The following PI16 variants were observed in gnomAD, a reference collection of about 807,000 sequenced individuals.
The protein encoded by PI16 is peptidase inhibitor 16, also known as PSP94-binding protein.
PI16 carries 35 observed loss-of-function variants against 38.0 expected under a neutral mutation model. That is an observed-to-expected ratio of 0.92 (90% CI 0.70 to 1.22). The LOEUF is 1.22. Ranked by LOEUF, PI16 falls within the 50% of genes most tolerant of loss-of-function variation. PI16 has a pLI of 0.00. For missense variants in PI16, 572 were observed against 593.8 expected, an observed-to-expected ratio of 0.96 and a Z score of 0.38; for synonymous variants, 275 against 252.9, an observed-to-expected ratio of 1.09 and a Z score of -0.83.
rs539534228 is a variant in PI16, at chr6:36,962,507, T to C, written c.593-428T>C. Among the ~76,000 whole-genome samples, 17 of 152,292 alleles carry C rather than the reference T, an allele frequency of 1.1e-4. 1 individual carries two copies. The highest frequency in any genetic ancestry group is 5.2e-4 in the Admixed American group (8 of 15,300). On this transcript the variant is annotated intron_variant, in intron 4 of 6. Coordinates refer to ENST00000373674, the MANE Select transcript of PI16 (RefSeq NM_153370.3). This position sits in a 1 kb window ranked among gnomAD's most constrained non-coding sequence, Gnocchi z 4.1. Reference sequence around the variant, plus strand: ...TCTTTTTTTTGACGGAGTTTTGCTCTTGTTGCCCAGGCTAGAGTGCAATGG... The same window carrying C: ...TCTTTTTTTTGACGGAGTTTTGCTCCTGTTGCCCAGGCTAGAGTGCAATGG...
intron 1 of PI16, among the ~76,000 whole-genome samples, chr6:36,956,911 C>T (rs1763222018): frequency 6.6e-6 from 1 of 152,144 alleles, no homozygotes; most frequent in South Asian, 2.1e-4. Context: ...CTAATCAGCA[C>T]CAGTTTTGCC....
chr6:36,961,745 A>G, intron 3 of PI16, 141 bp from the exon 4 acceptor site: 1 of 904,568 alleles, frequency 1.1e-6, no homozygotes, highest in Non-Finnish European at 1.8e-6. Flanking sequence ...GGCCAGGAGG[A>G]GCCCAAGTTC....
chr6:36,960,531 A>C (rs1224642816), intron 2 of PI16, among the ~76,000 whole-genome samples: 1 of 151,970 alleles, frequency 6.6e-6, no homozygotes, highest in Non-Finnish European at 1.5e-5. Context: ...TTTAGTCTTC[A>C]TCTTTAGGGA....
rs1763385478 is a variant in PI16 at position 36,962,193 on chromosome 6, G to T, written c.592+219G>T. ...TGGCCGGATTTCAACCCTTCAAAGGGAGGATGTTAGAAAGTCTGGCGGCTT... is the reference window on the plus strand; with the variant it reads ...TGGCCGGATTTCAACCCTTCAAAGGTAGGATGTTAGAAAGTCTGGCGGCTT... On this transcript the variant is annotated intron_variant, in intron 4 of 6. Transcript: ENST00000373674. The surrounding 1 kb of genome is among the most constrained non-coding windows in gnomAD (Gnocchi z 4.1). Among the ~76,000 whole-genome samples the T allele has an allele frequency of 6.6e-6, 1 of 152,174 alleles. No homozygotes were observed. Among genetic ancestry groups the T allele is most frequent in the African/African-American group, 2.4e-5 (1 of 41,452 alleles).
chr6:36,958,982 C>T (rs1016247522), intron 1 of PI16, among the ~76,000 whole-genome samples, 163 bp from the exon 2 acceptor site: 1 of 152,142 alleles, frequency 6.6e-6, no homozygotes, highest in Non-Finnish European at 1.5e-5. Flanking sequence ...CTTCACCGCC[C>T]CACAGACGCC....
chr6:36,962,862 T>G lies in PI16; in HGVS notation c.593-73T>G. The G allele has an allele frequency of 7.5e-7, 1 of 1,332,312 alleles. No individual in the cohort carries two copies. The highest frequency in any genetic ancestry group is 1.4e-5 in the South Asian group (1 of 71,788). The allele number at this position is 1,332,312 out of a possible 1,614,324, so 82.5% of individuals were successfully genotyped here. On this transcript the variant is annotated intron_variant, in intron 4 of 6. Transcript: ENST00000373674. This position sits in a 1 kb window ranked among gnomAD's most constrained non-coding sequence, Gnocchi z 4.1. Reference sequence around the variant, plus strand: ...CTGGTAGGACATTTGGTCGCGTCACTTGGTTTGCAGTGCCATGAGAGATGT... The same window carrying G: ...CTGGTAGGACATTTGGTCGCGTCACGTGGTTTGCAGTGCCATGAGAGATGT...
chr6:36,959,222 G>A lies in PI16; in HGVS notation c.249G>A (p.Gly83=), dbSNP rs748059651. Residue 83 remains glycine (G), a synonymous_variant, in exon 2 of 7, where the codon GGG becomes GGA. Coordinates refer to ENST00000373674, the MANE Select transcript of PI16 (RefSeq NM_153370.3). ...TGTGGGGCCACAACAAGGAGCGCGG[G>A]CGCCGCGGCGAGAATCTGTTCGCCA... ...QCVWGHNKER[G]RRGENLFAIT... is the part of the protein sequence containing the mutation. The A allele has an allele frequency of 1.1e-5, 17 of 1,609,964 alleles. No individual in the cohort carries two copies. Among genetic ancestry groups the A allele is most frequent in the Non-Finnish European group, 1.4e-5 (16 of 1,178,770 alleles).
chr6:36,960,325 A>ATATGTGTGTGTG (rs758800895), intron 2 of PI16, among the ~76,000 whole-genome samples: 9 of 139,920 alleles, frequency 6.4e-5, no homozygotes, highest in African/African-American at 2.4e-4. Context: ...TGCAGATAAG[A>ATATGTGTGTGTG]TGTGTGTGTG....
upstream of PI16, chr6:36,954,632 T>C (rs1391299888): frequency 7.0e-7 from 1 of 1,437,214 alleles, no homozygotes; most frequent in East Asian, 2.4e-5. Context: ...TGAGACATTG[T>C]GTGAGTCGGG....
Position 36,963,410 on chromosome 6 carries a change from G to C in PI16, c.1068G>C (p.Glu356Asp). The C allele has an allele frequency of 6.2e-7, 1 of 1,611,770 alleles. No individual in the cohort carries two copies. The highest frequency in any genetic ancestry group is 8.5e-7 in the Non-Finnish European group (1 of 1,178,024). Residue 356 changes from glutamate to aspartate, a missense_variant, in exon 5 of 7, where the codon GAG (glutamate) becomes GAC (aspartate). Glu to Asp is a conservative substitution (Grantham distance 45). Coordinates refer to ENST00000373674, the MANE Select transcript of PI16 (RefSeq NM_153370.3). The part of the protein sequence containing the change: ...ARELLPHAQE[E>D]AEAEAELPPS... ...AACTCCTACCCCATGCCCAGGAGGAGGCTGAGGCTGAGGCTGAGTTGCCTC... is the reference window on the plus strand; with the variant it reads ...AACTCCTACCCCATGCCCAGGAGGACGCTGAGGCTGAGGCTGAGTTGCCTC...
In PI16 at chr6:36,961,556, C is replaced by A; in HGVS notation, c.499C>A (p.Pro167Thr). 6.2e-7 allele frequency: 1 copy of A among 1,613,840 alleles called. No homozygotes were observed. The highest frequency in any genetic ancestry group is 1.1e-5 in the South Asian group (1 of 91,066). Residue 167 changes from proline to threonine, a missense_variant, in exon 3 of 7, where the codon CCT (proline) becomes ACT (threonine). Pro to Thr is a conservative substitution (Grantham distance 38). Transcript: ENST00000373674. Reference sequence around the variant, plus strand: ...CGAATTACTGGTGTGCAACTATGAGCCTCCGTGAGTGCCGGGGGGAACCCT... The same window carrying A: ...CGAATTACTGGTGTGCAACTATGAGACTCCGTGAGTGCCGGGGGGAACCCT... ...NIELLVCNYE[P>T]PGNVKGKRPY...
chr6:36,963,459 G>C lies in PI16; in HGVS notation c.1117G>C (p.Val373Leu). ...TCCTTCCAGTGAGGTCTTGGCCTCA[G>C]TTTTTCCAGCCCAGGACAAGCCAGG... The part of the protein sequence containing the change: ...LPPSSEVLAS[V>L]FPAQDKPGEL... Residue 373 changes from valine to leucine, a missense_variant, in exon 5 of 7, where the codon GTT (valine) becomes CTT (leucine). By Grantham distance (32) the Val-to-Leu change is conservative (BLOSUM62 1). Transcript: ENST00000373674. 6.2e-7 allele frequency: 1 copy of C among 1,614,210 alleles called. No homozygotes were observed.
Position 36,958,553 on chromosome 6 carries a change from GT to G in PI16, c.172-590del, listed in dbSNP as rs1583232982. Among the ~76,000 whole-genome samples, 3 of 152,124 alleles carry G rather than the reference GT, an allele frequency of 2.0e-5. No individual in the cohort carries two copies. The East Asian group carries it at 5.8e-4, about 29-fold the overall frequency. On this transcript the variant is annotated intron_variant, in intron 1 of 6. Transcript: ENST00000373674. Reference sequence around the variant, plus strand: ...CGCTTAATTTTCTTGGAGAAAGGGGGTTGCCGTTGACAAGGGTTGGGAGCAG... The same window carrying G: ...CGCTTAATTTTCTTGGAGAAAGGGGGTGCCGTTGACAAGGGTTGGGAGCAG...
At position 36,962,095 on chromosome 6, in the gene PI16, G is replaced by C; in HGVS notation, c.592+121G>C. On this transcript the variant is annotated intron_variant, in intron 4 of 6. Coordinates refer to ENST00000373674, the MANE Select transcript of PI16 (RefSeq NM_153370.3). The surrounding 1 kb of genome is among the most constrained non-coding windows in gnomAD (Gnocchi z 4.1). ...GGGCAGGGAAGGAGCCTGGTGGGATGCGACCACCGGGGGCCCCTGGCGGCT... is the reference window on the plus strand; with the variant it reads ...GGGCAGGGAAGGAGCCTGGTGGGATCCGACCACCGGGGGCCCCTGGCGGCT... 1 of 739,352 alleles carries C rather than the reference G, an allele frequency of 1.4e-6. No homozygotes were observed. Among genetic ancestry groups the C allele is most frequent in the Non-Finnish European group, 2.3e-6 (1 of 442,546 alleles). The allele number at this position is 739,352 out of a possible 1,614,324, so 45.8% of individuals were successfully genotyped here.
chr6:36,954,042 C>G (rs569767231), upstream of PI16, among the ~76,000 whole-genome samples: 15 of 152,334 alleles, frequency 9.8e-5, no homozygotes, highest in South Asian at 4.1e-4. Flanking sequence ...GGCCTCTCCC[C>G]CCGCAGGCAA....
In PI16 at chr6:36,959,268, G is replaced by A. The variant is rs1260017191; in HGVS notation, c.295G>A (p.Val99Met). Residue 99 changes from valine to methionine, a missense_variant, in exon 2 of 7, where the codon GTG becomes ATG. Transcript: ENST00000373674. ...LFAITDEGMD[V>M]PLAMEEWHHE... ...CGCCATCACAGACGAGGGCATGGACGTGCCGCTGGCCATGGAGGAGTGGCA... is the reference window on the plus strand; with the variant it reads ...CGCCATCACAGACGAGGGCATGGACATGCCGCTGGCCATGGAGGAGTGGCA... 2 of 1,602,428 alleles carry A rather than the reference G, an allele frequency of 1.2e-6. No homozygotes were observed.
chr6:36,952,761 AT>A (rs1169110961), upstream of PI16, among the ~76,000 whole-genome samples: 2 of 152,116 alleles, frequency 1.3e-5, no homozygotes, highest in African/African-American at 4.8e-5. Context: ...CTTTTTCAAG[AT>A]TGTTTTGACT....
Position 36,963,544 on chromosome 6 carries a change from T to C in PI16, c.1202T>C (p.Phe401Ser), listed in dbSNP as rs1583240034. Residue 401 changes from phenylalanine to serine, a missense_variant, in exon 5 of 7, where the codon TTC becomes TCC. Transcript: ENST00000373674. ...GHTSSKSLPNFPNTSATANAT... is the reference protein window; with the variant it reads ...GHTSSKSLPNSPNTSATANAT... ...ACCTCCTCCAAGTCCCTGCCCAATT[T>C]CCCCAATACCTCTGCCACCGCTAAT... is the stretch of plus-strand genomic sequence containing the variant. 1.2e-6 allele frequency: 2 copies of C among 1,614,010 alleles called. No individual in the cohort carries two copies. The highest frequency in any genetic ancestry group is 1.7e-6 in the Non-Finnish European group (2 of 1,180,032).
intron 6 of PI16, 111 bp downstream of exon 6, chr6:36,964,073 C>G (rs1017662961): frequency 4.0e-5 from 53 of 1,309,060 alleles, no homozygotes; most frequent in Non-Finnish European, 4.8e-5. Context: ...AGCAGCCCCC[C>G]TTCACCCCAA....
Sources: gnomAD v4.1 joint callset for allele counts (sites outside exome capture counted in the v4.1 genomes callset) on GRCh38, gnomAD v4.1.1 for gene constraint, Gnocchi (gnomAD v3.1) non-coding constraint, MANE v1.5 for transcripts, NCBI Gene and HGNC (gene_info 2026-07-23, HGNC 2026-07-21) for gene names.